FOXN2: variants seen among roughly 807,000 people sequenced by gnomAD.
FOXN2 encodes forkhead box protein N2.
FOXN2 carries 19 observed loss-of-function variants against 41.2 expected under a neutral mutation model. The ratio of observed to expected loss-of-function variants is 0.46; its 90% CI spans 0.32 to 0.68. The LOEUF is 0.68. FOXN2 is among the 30% of genes least tolerant of loss of function. The pLI is 0.03. For synonymous variants in FOXN2, 195 were observed against 176.8 expected (o/e 1.10, Z -0.82); for missense variants, 587 against 509.4 (o/e 1.15, Z -1.47).
At position 48,359,051 on chromosome 2, in the gene FOXN2, A is replaced by C. The variant is rs148951328; in HGVS notation, c.542A>C (p.Asn181Thr). 2.2e-5 allele frequency: 36 copies of C among 1,611,530 alleles called. No individual in the cohort carries two copies. In the African/African-American group the frequency reaches 3.7e-4, roughly 17 times the overall value. ...TTCTTGTGCATTTTATTCTAGGTTA[A>C]TGGAAAAGGTTCCTTATGGTGTGTT... ...QKVERSHGKV[N>T]GKGSLWCVDP... The change falls in exon 4 of 7, where the codon AAT becomes ACT. Residue 181 changes from asparagine to threonine, a missense_variant. Asn to Thr is a moderately conservative substitution (Grantham distance 65). Transcript: ENST00000340553.
At chr2:48,334,509 C>T (rs780680299) in intron 2 of FOXN2, among the ~76,000 whole-genome samples, 3 of 152,340 alleles carry the variant, frequency 2.0e-5, no homozygotes, top group Non-Finnish European at 2.9e-5. Context: ...TGGTGAACCA[C>T]GTACCTGGAT....
rs559685706 is a variant in FOXN2, at chr2:48,317,488, G to A, written c.-157+2674G>A. ...TTTTTTTTGAAGGGTTGAGAACAAA[G>A]ATTTGATGCTTTGGGAAACTAACAT... On this transcript the variant is annotated intron_variant, in intron 1 of 6. Coordinates refer to ENST00000340553, the MANE Select transcript of FOXN2 (RefSeq NM_002158.4). Among the ~76,000 whole-genome samples, 495 of 147,976 alleles carry A rather than the reference G, an allele frequency of 3.3e-3. 5 individuals carry two copies. Among genetic ancestry groups the A allele is most frequent in the African/African-American group, 0.012 (467 of 40,446 alleles).
At position 48,362,699 on chromosome 2, in the gene FOXN2, A is replaced by T. The variant is rs770357690; in HGVS notation, c.695A>T (p.Asn232Ile). The change falls in exon 5 of 7, where the codon AAC becomes ATC. Residue 232 changes from asparagine (N) to isoleucine (I), a missense_variant. Physicochemically the swap from Asn to Ile is moderately radical, Grantham distance 149 (BLOSUM62 -3). Transcript: ENST00000340553. ...SSVIKQNQVR[N>I]LKESDIDAAA... ...GTAATCAAGCAGAACCAGGTGCGAAACCTCAAAGGTATGTGTGAATATCAG... is the reference window on the plus strand; with the variant it reads ...GTAATCAAGCAGAACCAGGTGCGAATCCTCAAAGGTATGTGTGAATATCAG... The T allele has an allele frequency of 6.2e-7, 1 of 1,613,510 alleles. No homozygotes were observed. The highest frequency in any genetic ancestry group is 8.5e-7 in the Non-Finnish European group (1 of 1,179,448).
chr2:48,369,301 GC>G (rs972767267), intron 5 of FOXN2, among the ~76,000 whole-genome samples: 46 of 151,390 alleles, frequency 3.0e-4, no homozygotes, highest in African/African-American at 1.0e-3. Flanking sequence ...ACTTTGGGAG[GC>G]CAAGGCGGGT....
At position 48,369,592 on chromosome 2, in the gene FOXN2, T is replaced by C. The variant is rs181631250; in HGVS notation, c.704-3700T>C. Among the ~76,000 whole-genome samples the C allele has an allele frequency of 1.4e-4, 22 of 152,330 alleles. 1 individual carries two copies. The highest frequency in any genetic ancestry group is 3.4e-3 in the Middle Eastern group (1 of 294). On this transcript the variant is annotated intron_variant, in intron 5 of 6. Transcript: ENST00000340553. ...CTAATTTTTTAGTAAGTATATTTTA[T>C]AGGTGCTTCATTTATAAGATAAAGT...
intron 2 of FOXN2, among the ~76,000 whole-genome samples, chr2:48,336,486 C>CT (rs1670369952): frequency 6.8e-6 from 1 of 148,132 alleles, no homozygotes; most frequent in Non-Finnish European, 1.5e-5. Context: ...TACGAGCAGA[C>CT]TAAAGATAAC....
intron 2 of FOXN2, among the ~76,000 whole-genome samples, chr2:48,344,118 CTA>C (rs1558624154): frequency 2.0e-5 from 3 of 152,162 alleles, no homozygotes; most frequent in East Asian, 1.9e-4. Flanking sequence ...TTTTAAGTCT[CTA>C]TGAATAGAGA....
rs1673379218 is a variant in FOXN2, at chr2:48,378,463, C to G, written c.*3020C>G. 6.6e-6 allele frequency: 1 copy of G among 151,072 alleles called. No individual in the cohort carries two copies. Among genetic ancestry groups the G allele is most frequent in the Non-Finnish European group, 1.5e-5 (1 of 67,668 alleles). 9.4% of individuals were successfully genotyped at this position (151,072 alleles called of 1,614,324 possible). On this transcript the variant is annotated 3_prime_UTR_variant, in exon 7 of 7. Transcript: ENST00000340553. ...ATGTTCAGTTAAATATACTTTAGCA[C>G]AAAGTCAAACTAGAGAATGTGTTAA...
At chr2:48,353,791 A>G (rs2104422548) in intron 3 of FOXN2, among the ~76,000 whole-genome samples, 1 of 151,968 alleles carries the variant, frequency 6.6e-6, no homozygotes, top group Middle Eastern at 3.4e-3. Flanking sequence ...CTTCTTTGAA[A>G]TTGATCTCCC....
chr2:48,328,945 T>C (rs1260879132), intron 2 of FOXN2, among the ~76,000 whole-genome samples: 1 of 152,184 alleles, frequency 6.6e-6, no homozygotes, highest in Non-Finnish European at 1.5e-5. Flanking sequence ...ATAAATTATT[T>C]AGTCACCAGT....
chr2:48,317,528 G>A (rs1669001045), intron 1 of FOXN2, among the ~76,000 whole-genome samples: 1 of 147,392 alleles, frequency 6.8e-6, no homozygotes, highest in African/African-American at 2.5e-5. Flanking sequence ...GGAGCATTTG[G>A]TTTGGTCACA....
In FOXN2 at chr2:48,327,451, C is replaced by CT. The variant is rs201892853; in HGVS notation, c.-156-1099dup. ...CTTTCTAAAATGATCTGGAGATAGT[C>CT]TTTTTTTTTTTGAGATGGAATTTCA... On this transcript the variant is annotated intron_variant, in intron 1 of 6. Coordinates refer to ENST00000340553, the MANE Select transcript of FOXN2 (RefSeq NM_002158.4). Among the ~76,000 whole-genome samples the CT allele has an allele frequency of 4.4e-3, 653 of 147,146 alleles. 6 individuals carry two copies. The highest frequency in any genetic ancestry group is 0.013 in the African/African-American group (544 of 40,378).
rs988837169 is a variant in FOXN2, at chr2:48,378,852, C to A, written c.*3409C>A. The A allele has an allele frequency of 5.9e-5, 9 of 152,312 alleles. No individual in the cohort carries two copies. The highest frequency in any genetic ancestry group is 1.2e-4 in the Non-Finnish European group (8 of 67,922). The allele number at this position is 152,312 out of a possible 1,614,324, so 9.4% of individuals were successfully genotyped here. On this transcript the variant is annotated 3_prime_UTR_variant, in exon 7 of 7. Transcript: ENST00000340553. The stretch of plus-strand genomic sequence containing the variant: ...AAAGCATATTCTTTGCATCTAACTG[C>A]CAGTGCCATTGTCAAAACTTATTTT...
chr2:48,373,716 A>G (rs1324079492), intron 6 of FOXN2, among the ~76,000 whole-genome samples: 2 of 152,188 alleles, frequency 1.3e-5, no homozygotes, highest in African/African-American at 4.8e-5. Context: ...AAAATGCAAA[A>G]TCCATGAAGG....
rs533514189 is a variant in FOXN2, at chr2:48,356,396, G to A, written c.538-2651G>A. ...GCGGAGGTTGCAGTGAGCCGAGATC[G>A]CGCCACTGCACTCCAGCCTGATTGA... On this transcript the variant is annotated intron_variant, in intron 3 of 6. Coordinates refer to ENST00000340553, the MANE Select transcript of FOXN2 (RefSeq NM_002158.4). Among the ~76,000 whole-genome samples the A allele has an allele frequency of 4.6e-5, 7 of 152,124 alleles. No individual in the cohort carries two copies. The East Asian group carries it at 7.7e-4, about 17-fold the overall frequency.
chr2:48,331,207 T>G (rs1669999944), intron 2 of FOXN2, among the ~76,000 whole-genome samples: 1 of 152,344 alleles, frequency 6.6e-6, no homozygotes, highest in Admixed American at 6.5e-5. Context: ...TATTGTATTT[T>G]GTTTTGATCT....
intron 2 of FOXN2, among the ~76,000 whole-genome samples, chr2:48,332,743 C>T (rs112005956): frequency 8.5e-5 from 13 of 152,110 alleles, no homozygotes; most frequent in Non-Finnish European, 1.3e-4. Context: ...ATCTCTGCAG[C>T]GAGTATTCAT....
At chr2:48,314,326 T>C (rs1057489101), upstream of FOXN2, among the ~76,000 whole-genome samples, 2 of 152,248 alleles carry the variant, frequency 1.3e-5, no homozygotes, top group African/African-American at 4.8e-5. Context: ...TCCTCGGACA[T>C]GCGAGGCCTT....
At chr2:48,362,287 G>C (rs2104472863) in intron 4 of FOXN2, among the ~76,000 whole-genome samples, 1 of 152,288 alleles carries the variant, frequency 6.6e-6, no homozygotes, top group East Asian at 1.9e-4. Context: ...TGAAATAGTT[G>C]GGTGCAAGTG....
Sources: allele counts gnomAD v4.1 joint callset (sites outside exome capture counted in the v4.1 genomes callset), GRCh38; gene constraint gnomAD v4.1.1; transcripts MANE v1.5; gene names NCBI Gene and HGNC (gene_info 2026-07-23, HGNC 2026-07-21).